Variants in IRGQ observed in about 807,000 individuals in gnomAD.
The protein encoded by IRGQ is immunity related GTPase Q.
A neutral mutation model predicts 10.5 loss-of-function variants in IRGQ; 5 were observed. The observed-to-expected ratio is 0.48, with a 90% CI of 0.25 to 1.00. The LOEUF is 1.00. Ranked by LOEUF, IRGQ falls within the 50% of genes least tolerant of loss-of-function variation. The pLI is 0.16. For synonymous variants in IRGQ, 418 were observed against 426.0 expected (o/e 0.98, Z 0.23); for missense variants, 792 against 877.7 (o/e 0.90, Z 1.23).
chr19:43,592,863 C>T lies in IRGQ; in HGVS notation c.1035G>A (p.Lys345=). The part of the protein sequence containing the change: ...GEDPECLGEG[K]MENPKGESLK... The stretch of plus-strand genomic sequence containing the variant: ...AGCTCTCGCCCTTGGGATTCTCCAT[C>T]TTGCCTTCTCCCAGACACTCCGGAT... Residue 345 remains lysine (K), a synonymous_variant, in exon 3 of 3, where the codon AAG becomes AAA. Coordinates refer to ENST00000422989, the MANE Select transcript of IRGQ (RefSeq NM_001007561.3). 1.3e-5 allele frequency: 21 copies of T among 1,613,974 alleles called. No individual in the cohort carries two copies. Among genetic ancestry groups the T allele is most frequent in the Non-Finnish European group, 1.8e-5 (21 of 1,180,044 alleles).
rs1349526578 is a variant in IRGQ at position 43,587,221 on chromosome 19, T to G, written c.*4805A>C. Reference sequence around the variant, plus strand: ...GGCATACACCTGTAGTCCCAGCTACTCAGGAGGATGATGCAAGAGAATCAG... The same window carrying G: ...GGCATACACCTGTAGTCCCAGCTACGCAGGAGGATGATGCAAGAGAATCAG... On this transcript the variant is annotated 3_prime_UTR_variant, in exon 3 of 3. Coordinates refer to ENST00000422989, the MANE Select transcript of IRGQ (RefSeq NM_001007561.3). 6.6e-6 allele frequency: 1 copy of G among 152,098 alleles called. No individual in the cohort carries two copies. Among genetic ancestry groups the G allele is most frequent in the Non-Finnish European group, 1.5e-5 (1 of 68,040 alleles). The allele number at this position is 152,098 out of a possible 1,614,324, so 9.4% of individuals were successfully genotyped here. A position where few individuals can be genotyped will look rare whatever the true frequency, so the allele number is the denominator to read the frequency against.
At position 43,592,154 on chromosome 19, in the gene IRGQ, G is replaced by T; in HGVS notation, c.1744C>A (p.Pro582Thr). Reference sequence around the variant, plus strand: ...CCTGTCGCCGCTGCACCACCCGCAGGCCACAGGAAGGAGAGAGCCCCCAGT... The same window carrying T: ...CCTGTCGCCGCTGCACCACCCGCAGTCCACAGGAAGGAGAGAGCCCCCAGT... ...AALGALSFLW[P>T]AGGAAATGGL... The change falls in exon 3 of 3, where the codon CCT (proline) becomes ACT (threonine). Residue 582 changes from proline to threonine, a missense_variant. By Grantham distance (38) the Pro-to-Thr change is conservative. Transcript: ENST00000422989. The T allele has an allele frequency of 6.2e-7, 1 of 1,609,004 alleles. No individual in the cohort carries two copies.
chr19:43,585,188 TG>T lies in IRGQ; in HGVS notation c.*6837del, dbSNP rs1473254986. ...CCAGCCCGGGGTTTGGATGTGGCAGTGGTGGTAGGGGTCCCAAGGGGAGCAA... is the reference window on the plus strand; with the variant it reads ...CCAGCCCGGGGTTTGGATGTGGCAGTGTGGTAGGGGTCCCAAGGGGAGCAA... On this transcript the variant is annotated 3_prime_UTR_variant, in exon 3 of 3. Transcript: ENST00000422989. 2.0e-5 allele frequency: 3 copies of T among 151,592 alleles called. No homozygotes were observed. The highest frequency in any genetic ancestry group is 4.4e-5 in the Non-Finnish European group (3 of 67,964). The allele number at this position is 151,592 out of a possible 1,614,324, so 9.4% of individuals were successfully genotyped here. A position where few individuals can be genotyped will look rare whatever the true frequency, so the allele number is the denominator to read the frequency against.
chr19:43,595,129 G>A lies in IRGQ; in HGVS notation c.210C>T (p.Pro70=). 1 of 1,599,950 alleles carries A rather than the reference G, an allele frequency of 6.3e-7. No homozygotes were observed. ...ELSCPPAAPG[P]WAAEANVLVL... ...CCAGCACGTTGGCTTCCGCCGCCCA[G>A]GGCCCCGGCGCTGCGGGTGGGCAGC... is the stretch of plus-strand genomic sequence containing the variant. Residue 70 remains proline, a synonymous_variant, in exon 2 of 3, where the codon CCC becomes CCT. Transcript: ENST00000422989.
Position 43,595,983 on chromosome 19 carries a change from G to C in IRGQ, c.-4C>G, listed in dbSNP as rs78999901. On this transcript the variant is annotated splice_region_variant and 5_prime_UTR_variant, in exon 1 of 3. Coordinates refer to ENST00000422989, the MANE Select transcript of IRGQ (RefSeq NM_001007561.3). ...CCTTCCCCCTTCCAAATCACCAACC[G>C]AGCAAAAAGCCGACCCACGGGAGAG... 1 of 152,146 alleles carries C rather than the reference G, an allele frequency of 6.6e-6. No homozygotes were observed. The highest frequency in any genetic ancestry group is 1.5e-5 in the Non-Finnish European group (1 of 68,018). 9.4% of individuals were successfully genotyped at this position (152,146 alleles called of 1,614,324 possible). A position where few individuals can be genotyped will look rare whatever the true frequency, so the allele number is the denominator to read the frequency against.
rs373761433 is a variant in IRGQ at position 43,592,967 on chromosome 19, T to C, written c.931A>G (p.Lys311Glu). 18 of 1,609,332 alleles carry C rather than the reference T, an allele frequency of 1.1e-5. No individual in the cohort carries two copies. Among genetic ancestry groups the C allele is most frequent in the Non-Finnish European group, 1.5e-5 (18 of 1,179,916 alleles). The change falls in exon 3 of 3, where the codon AAG becomes GAG. Residue 311 changes from lysine (K) to glutamate (E), a missense_variant. Coordinates refer to ENST00000422989, the MANE Select transcript of IRGQ (RefSeq NM_001007561.3). ...ILVTPGAPTE[K>E]DWAQVQALLL... is the part of the protein sequence containing the mutation. Reference sequence around the variant, plus strand: ...AAGGCCTGGACCTGGGCCCAGTCCTTCTCAGTGGGGGCCCCAGGGGTGACG... The same window carrying C: ...AAGGCCTGGACCTGGGCCCAGTCCTCCTCAGTGGGGGCCCCAGGGGTGACG...
Position 43,591,855 on chromosome 19 carries a change from GAAA to G in IRGQ, c.*168_*170del, listed in dbSNP as rs10682090. 9.5e-4 allele frequency: 449 copies of G among 473,640 alleles called. No individual in the cohort carries two copies. The highest frequency in any genetic ancestry group is 9.0e-3 in the African/African-American group (393 of 43,870). The allele number at this position is 473,640 out of a possible 1,614,324, so 29.3% of individuals were successfully genotyped here. A position where few individuals can be genotyped will look rare whatever the true frequency, so the allele number is the denominator to read the frequency against. On this transcript the variant is annotated 3_prime_UTR_variant, in exon 3 of 3. Transcript: ENST00000422989. ...AAGAGACTTCGTCTCACAAAAAAAA[GAAA>G]AAAAAAAAAAAAAATCAGGATTCCT...
At position 43,591,839 on chromosome 19, in the gene IRGQ, C is replaced by T; in HGVS notation, c.*187G>A. The T allele has an allele frequency of 3.6e-6, 2 of 555,068 alleles. No homozygotes were observed. Among genetic ancestry groups the T allele is most frequent in the African/African-American group, 2.2e-5 (1 of 45,630 alleles). The allele number at this position is 555,068 out of a possible 1,614,324, so 34.4% of individuals were successfully genotyped here. A position where few individuals can be genotyped will look rare whatever the true frequency, so the allele number is the denominator to read the frequency against. On this transcript the variant is annotated 3_prime_UTR_variant, in exon 3 of 3. Coordinates refer to ENST00000422989, the MANE Select transcript of IRGQ (RefSeq NM_001007561.3). The stretch of plus-strand genomic sequence containing the variant: ...CTCCAGCCTGGGCAACAAGAGACTT[C>T]GTCTCACAAAAAAAAGAAAAAAAAA...
At chr19:43,595,938 ATTG>A (rs1430866652) in intron 1 of IRGQ, 41 bp downstream of exon 1, 1 of 152,364 alleles carries the variant, frequency 6.6e-6, no homozygotes, top group East Asian at 1.9e-4. Context: ...CCTCGGACAC[ATTG>A]TTATTTTCAT....
At position 43,586,800 on chromosome 19, in the gene IRGQ, A is replaced by T. The variant is rs529418001; in HGVS notation, c.*5226T>A. The T allele has an allele frequency of 9.2e-5, 14 of 152,350 alleles. No homozygotes were observed. The highest frequency in any genetic ancestry group is 3.4e-4 in the African/African-American group (14 of 41,580). 9.4% of individuals were successfully genotyped at this position (152,350 alleles called of 1,614,324 possible). The stretch of plus-strand genomic sequence containing the variant: ...ATTGTGTGCCTGCATGTACATACAT[A>T]CGCTGAATTCTCACCATAACCATGT... On this transcript the variant is annotated 3_prime_UTR_variant, in exon 3 of 3. Transcript: ENST00000422989.
At position 43,593,069 on chromosome 19, in the gene IRGQ, C is replaced by A; in HGVS notation, c.829G>T (p.Val277Leu). The change falls in exon 3 of 3, where the codon GTG becomes TTG. Residue 277 changes from valine (V) to leucine (L), a missense_variant. Coordinates refer to ENST00000422989, the MANE Select transcript of IRGQ (RefSeq NM_001007561.3). This position sits in a 1 kb window ranked among gnomAD's most constrained non-coding sequence, Gnocchi z 6.4. The stretch of plus-strand genomic sequence containing the variant: ...GCAGTGCCCGTGTGGCCCAGAGGCA[C>A]GGTCCAGAGCACCACATTCGGGCGC... Reference protein sequence around the residue: ...PERPNVVLWTVPLGHTGTATT... With the variant: ...PERPNVVLWTLPLGHTGTATT... The A allele has an allele frequency of 1.3e-6, 2 of 1,596,748 alleles. No individual in the cohort carries two copies. The highest frequency in any genetic ancestry group is 1.7e-6 in the Non-Finnish European group (2 of 1,168,106).
Position 43,584,915 on chromosome 19 carries a change from T to TA in IRGQ, c.*7110dup, listed in dbSNP as rs1026125281. 6.6e-6 allele frequency: 1 copy of TA among 151,164 alleles called. No homozygotes were observed. The highest frequency in any genetic ancestry group is 1.5e-5 in the Non-Finnish European group (1 of 67,784). 9.4% of individuals were successfully genotyped at this position (151,164 alleles called of 1,614,324 possible). A position where few individuals can be genotyped will look rare whatever the true frequency, so the allele number is the denominator to read the frequency against. ...AGGCTGGAGTGCAGTGGAGCCATCATAGCTCACTTCAGCCTCGACTTCCTG... is the reference window on the plus strand; with the variant it reads ...AGGCTGGAGTGCAGTGGAGCCATCATAAGCTCACTTCAGCCTCGACTTCCTG... On this transcript the variant is annotated 3_prime_UTR_variant, in exon 3 of 3. Coordinates refer to ENST00000422989, the MANE Select transcript of IRGQ (RefSeq NM_001007561.3).
chr19:43,595,462 C>A, intron 1 of IRGQ, 122 bp from the exon 2 acceptor site: 1 of 902,548 alleles, frequency 1.1e-6, no homozygotes, highest in South Asian at 2.0e-5. Context: ...TCTTGAGTGT[C>A]ACTCTCCAGG....
Position 43,592,247 on chromosome 19 carries a change from C to T in IRGQ, c.1651G>A (p.Val551Met). The change falls in exon 3 of 3, where the codon GTG becomes ATG. Residue 551 changes from valine to methionine, a missense_variant. By Grantham distance (21) the Val-to-Met change is conservative. Transcript: ENST00000422989. ...CTTGCTTCCACCTCGGCGCGCGTCACCGGGCCTGGGAAATGAGCGCGCGCT... is the reference window on the plus strand; with the variant it reads ...CTTGCTTCCACCTCGGCGCGCGTCATCGGGCCTGGGAAATGAGCGCGCGCT... ...LAARAHFPGP[V>M]TRAEVEARLG... 6.3e-7 allele frequency: 1 copy of T among 1,579,140 alleles called. No individual in the cohort carries two copies.
chr19:43,592,273 G>C lies in IRGQ; in HGVS notation c.1625C>G (p.Ala542Gly). 2 of 1,574,298 alleles carry C rather than the reference G, an allele frequency of 1.3e-6. No individual in the cohort carries two copies. The highest frequency in any genetic ancestry group is 1.7e-6 in the Non-Finnish European group (2 of 1,168,592). The change falls in exon 3 of 3, where the codon GCA becomes GGA. Residue 542 changes from alanine to glycine, a missense_variant. By Grantham distance (60) the Ala-to-Gly change is moderately conservative (BLOSUM62 0). Transcript: ENST00000422989. ...RALGLASGEL[A>G]ARAHFPGPVT... ...CGGGCCTGGGAAATGAGCGCGCGCT[G>C]CCAGCTCTCCAGAAGCCAGGCCCAG...
chr19:43,592,858 T>A lies in IRGQ; in HGVS notation c.1040A>T (p.Glu347Val). Residue 347 changes from glutamate to valine, a missense_variant, in exon 3 of 3, where the codon GAG (glutamate) becomes GTG (valine). Physicochemically the swap from Glu to Val is moderately radical, Grantham distance 121. Transcript: ENST00000422989. Reference sequence around the variant, plus strand: ...CTTTAAGCTCTCGCCCTTGGGATTCTCCATCTTGCCTTCTCCCAGACACTC... The same window carrying A: ...CTTTAAGCTCTCGCCCTTGGGATTCACCATCTTGCCTTCTCCCAGACACTC... ...DPECLGEGKM[E>V]NPKGESLKNA... The A allele has an allele frequency of 6.2e-7, 1 of 1,613,964 alleles. No individual in the cohort carries two copies. Among genetic ancestry groups the A allele is most frequent in the Non-Finnish European group, 8.5e-7 (1 of 1,180,028 alleles).
intron 2 of IRGQ, among the ~76,000 whole-genome samples, chr19:43,594,372 A>G (rs902634250): frequency 6.6e-6 from 1 of 152,216 alleles, no homozygotes; most frequent in East Asian, 1.9e-4. Context: ...TGAGGCCAAG[A>G]GTTCAAGACC....
In IRGQ at chr19:43,595,296, G is replaced by T; in HGVS notation, c.43C>A (p.Pro15Thr). ...AGCGCGGACTTCCCCAAGCCCGGAG[G>T]CCCCAGGAACAAGGCGGTCACGTCA... ...QGDVTALFLG[P>T]PGLGKSALIA... Residue 15 changes from proline (P) to threonine (T), a missense_variant, in exon 2 of 3, where the codon CCT becomes ACT. Transcript: ENST00000422989. 6.3e-7 allele frequency: 1 copy of T among 1,591,498 alleles called. No individual in the cohort carries two copies. Among genetic ancestry groups the T allele is most frequent in the African/African-American group, 1.3e-5 (1 of 74,246 alleles).
At position 43,595,110 on chromosome 19, in the gene IRGQ, C is replaced by G; in HGVS notation, c.229G>C (p.Val77Leu). The G allele has an allele frequency of 2.5e-6, 4 of 1,603,288 alleles. No individual in the cohort carries two copies. The highest frequency in any genetic ancestry group is 3.4e-6 in the Non-Finnish European group (4 of 1,174,120). ...APGPWAAEAN[V>L]LVLVLPGPEG... ...GGTCCGGGCAGCACCAGTACCAGCA[C>G]GTTGGCTTCCGCCGCCCAGGGCCCC... The change falls in exon 2 of 3, where the codon GTG becomes CTG. Residue 77 changes from valine to leucine, a missense_variant. Transcript: ENST00000422989.
Sources: allele counts gnomAD v4.1 joint callset (sites outside exome capture counted in the v4.1 genomes callset), GRCh38; gene constraint gnomAD v4.1.1; non-coding constraint Gnocchi (gnomAD v3.1); transcripts MANE v1.5; gene names NCBI Gene and HGNC (gene_info 2026-07-23, HGNC 2026-07-21).